KATNAL2: variants seen among roughly 807,000 people sequenced by gnomAD.
KATNAL2 encodes the protein katanin p60 ATPase-containing subunit A-like 2.
In KATNAL2, 52 loss-of-function variants were observed where a neutral mutation model predicts 76.3. The observed-to-expected ratio is 0.68, with a 90% CI of 0.55 to 0.86. The LOEUF (loss-of-function observed/expected upper bound fraction) is 0.86, where lower values mean the gene tolerates loss of function less well. KATNAL2 is among the 40% of genes least tolerant of loss of function. The pLI is 0.00. For missense variants in KATNAL2, 660 were observed against 668.9 expected (o/e 0.99, Z 0.15); for synonymous variants, 243 against 244.2 (o/e 1.00, Z 0.05).
At chr18:47,076,733 A>G (rs929147956) in intron 14 of KATNAL2, 1 of 150,594 alleles carries the variant, frequency 6.6e-6, no homozygotes, top group African/African-American at 2.4e-5. Context: ...TGATAATTAA[A>G]CATATAGCAA....
intron 3 of KATNAL2, chr18:47,033,272 C>A (rs780528666): frequency 1.4e-5 from 23 of 1,613,490 alleles, no homozygotes; most frequent in Non-Finnish European, 1.9e-5. Context: ...TCGGGGTCAG[C>A]GTCTCCTGCA....
chr18:46,948,887 ATTGTGT>A (rs2059463828), intron 3 of KATNAL2, among the ~76,000 whole-genome samples: 1 of 90,224 alleles, frequency 1.1e-5, no homozygotes, highest in Non-Finnish European at 2.3e-5. Context: ...AAGTATCTGC[ATTGTGT>A]GTGTGTGTGT....
chr18:47,100,747 A>G (rs1350591731), intron 17 of KATNAL2, 119 bp from the exon 18 acceptor site: 1 of 1,259,442 alleles, frequency 7.9e-7, no homozygotes, highest in South Asian at 1.4e-5. Context: ...CTTTTGCTGC[A>G]TTAACAATTA....
At chr18:47,052,006 C>T (rs942862572) in intron 4 of KATNAL2, among the ~76,000 whole-genome samples, 1 of 152,214 alleles carries the variant, frequency 6.6e-6, no homozygotes, top group South Asian at 2.1e-4. Context: ...CTCTAACCTG[C>T]AGCAGAAATC....
intron 3 of KATNAL2, chr18:47,034,602 C>G: frequency 6.2e-7 from 1 of 1,614,186 alleles, no homozygotes; most frequent in South Asian, 1.1e-5. Context: ...TGCTGTGGCT[C>G]ACAACGGCTT....
At chr18:46,957,249 CTTTTTTTTT>C (rs1223846865) in intron 3 of KATNAL2, among the ~76,000 whole-genome samples, 2 of 73,938 alleles carry the variant, frequency 2.7e-5, no homozygotes, top group Non-Finnish European at 4.9e-5. Flanking sequence ...TTGCCCTCTT[CTTTTTTTTT>C]TTTTTTTTTT....
chr18:46,959,481 G>A (rs1789172944), intron 3 of KATNAL2, among the ~76,000 whole-genome samples: 1 of 152,060 alleles, frequency 6.6e-6, no homozygotes, highest in Non-Finnish European at 1.5e-5. Context: ...AAAACTAACT[G>A]AGAATATACA....
At chr18:47,032,127 G>T (rs1022745909) in intron 3 of KATNAL2, among the ~76,000 whole-genome samples, 1 of 152,186 alleles carries the variant, frequency 6.6e-6, no homozygotes, top group Non-Finnish European at 1.5e-5. Flanking sequence ...TCTTTCATAG[G>T]GGTTCTGGGT....
chr18:47,047,203 G>A (rs1599653733), intron 4 of KATNAL2, among the ~76,000 whole-genome samples: 1 of 152,122 alleles, frequency 6.6e-6, no homozygotes, highest in African/African-American at 2.4e-5. Context: ...TTACAGGTGT[G>A]AGCCACTGCA....
chr18:47,057,351 T>G (rs2061501308), intron 6 of KATNAL2, among the ~76,000 whole-genome samples: 1 of 152,228 alleles, frequency 6.6e-6, no homozygotes, highest in Non-Finnish European at 1.5e-5. Flanking sequence ...GGATGGCATC[T>G]TCTACAGAAA....
chr18:46,946,213 A>G lies in KATNAL2; in HGVS notation c.-353A>G. ...AGACATTGAAGAAACAGACTAGTTA[A>G]CACATGAAAAAAATAGAGCAGAGGA... On this transcript the variant is annotated 5_prime_UTR_variant, in exon 2 of 18. Coordinates refer to ENST00000683218, the MANE Select transcript of KATNAL2 (RefSeq NM_001387690.1). 1 of 1,066,502 alleles carries G rather than the reference A, an allele frequency of 9.4e-7. No individual in the cohort carries two copies. The highest frequency in any genetic ancestry group is 1.1e-6 in the Non-Finnish European group (1 of 874,838). The allele number at this position is 1,066,502 out of a possible 1,614,324, so 66.1% of individuals were successfully genotyped here. A position where few individuals can be genotyped will look rare whatever the true frequency, so the allele number is the denominator to read the frequency against.
At chr18:46,943,004 C>T (rs1158482676) in intron 1 of KATNAL2, among the ~76,000 whole-genome samples, 1 of 152,092 alleles carries the variant, frequency 6.6e-6, no homozygotes, top group Non-Finnish European at 1.5e-5. Context: ...TAAACCTTGT[C>T]AGGGTTTCGC....
intron 15 of KATNAL2, among the ~76,000 whole-genome samples, chr18:47,094,417 A>T (rs542344453): frequency 8.7e-4 from 133 of 152,302 alleles, no homozygotes; most frequent in African/African-American, 2.9e-3. Context: ...TTGAAGTTTC[A>T]TTTCCCTGAA....
chr18:46,930,178 A>G (rs970449156), intron 1 of KATNAL2, among the ~76,000 whole-genome samples: 3 of 152,146 alleles, frequency 2.0e-5, no homozygotes, highest in Admixed American at 6.6e-5. Context: ...TTTGCTCAAC[A>G]TTTTCCTTAA....
rs1205292784 is a variant in KATNAL2, at chr18:47,101,908, C to G, written c.*903C>G. The G allele has an allele frequency of 6.6e-6, 1 of 152,154 alleles. No homozygotes were observed. Among genetic ancestry groups the G allele is most frequent in the South Asian group, 2.1e-4 (1 of 4,830 alleles). 9.4% of individuals were successfully genotyped at this position (152,154 alleles called of 1,614,324 possible). The stretch of plus-strand genomic sequence containing the variant: ...ACAATCCGAGGCATCTACTTTCAAC[C>G]CTTGATAAATTTTGAAGGCTTCTAC... On this transcript the variant is annotated 3_prime_UTR_variant, in exon 18 of 18. Coordinates refer to ENST00000683218, the MANE Select transcript of KATNAL2 (RefSeq NM_001387690.1).
At chr18:46,943,505 C>T (rs2059304279) in intron 1 of KATNAL2, among the ~76,000 whole-genome samples, 1 of 152,212 alleles carries the variant, frequency 6.6e-6, no homozygotes, top group Non-Finnish European at 1.5e-5. Flanking sequence ...CACTGCTACA[C>T]TCCCACCAGC....
At chr18:46,957,931 C>T (rs993879141) in intron 3 of KATNAL2, among the ~76,000 whole-genome samples, 5 of 151,544 alleles carry the variant, frequency 3.3e-5, no homozygotes, top group African/African-American at 9.7e-5. Flanking sequence ...CTCCTGACCT[C>T]GTGATCCATC....
intron 1 of KATNAL2, among the ~76,000 whole-genome samples, chr18:46,942,132 A>G (rs1331845567): frequency 6.6e-6 from 1 of 152,212 alleles, no homozygotes; most frequent in African/African-American, 2.4e-5. Context: ...TAAAAGTAGA[A>G]GGCAAATAAT....
intron 3 of KATNAL2, among the ~76,000 whole-genome samples, chr18:46,949,866 C>T (rs1296486100): frequency 6.6e-6 from 1 of 152,068 alleles, no homozygotes; most frequent in Admixed American, 6.6e-5. Flanking sequence ...TTGGTTTTTG[C>T]CTCTCTTCAG....
Sources: allele counts gnomAD v4.1 joint callset (sites outside exome capture counted in the v4.1 genomes callset), GRCh38; gene constraint gnomAD v4.1.1; transcripts MANE v1.5; gene names NCBI Gene and HGNC (gene_info 2026-07-23, HGNC 2026-07-21).